LRP1B: variants seen among roughly 807,000 people sequenced by gnomAD.
The protein encoded by LRP1B is LDL receptor related protein 1B.
Under a neutral mutation model 556.6 loss-of-function variants are expected in LRP1B, and 217 were observed. The ratio of observed to expected loss-of-function variants is 0.39; its 90% CI spans 0.35 to 0.44. The LOEUF is 0.44. Among genes scored for constraint, LRP1B ranks in the 20% least tolerant of loss-of-function variants. The probability of loss-of-function intolerance (pLI) is 1.00; values close to 1 mark genes in which losing one functional copy is unlikely to be tolerated. For missense variants in LRP1B, 5,053 were observed against 5,620.8 expected, an observed-to-expected ratio of 0.90 and a Z score of 3.23; for synonymous variants, 2,047 against 1,865.8, an observed-to-expected ratio of 1.10 and a Z score of -2.50.
intron 2 of LRP1B, among the ~76,000 whole-genome samples, chr2:141,639,304 G>GTATATA (rs577532316): frequency 3.1e-4 from 18 of 58,428 alleles, no homozygotes; most frequent in East Asian, 1.3e-3. Context: ...CATCATGTGT[G>GTATATA]TATATATATA....
At chr2:140,550,852 A>T (rs895017074) in intron 43 of LRP1B, among the ~76,000 whole-genome samples, 7 of 152,136 alleles carry the variant, frequency 4.6e-5, no homozygotes, top group African/African-American at 1.7e-4. Context: ...CCGCAAATTC[A>T]GGTGTTGAAG....
intron 7 of LRP1B, among the ~76,000 whole-genome samples, chr2:141,069,591 A>G (rs946583703): frequency 2.0e-5 from 3 of 151,988 alleles, no homozygotes; most frequent in African/African-American, 7.2e-5. Flanking sequence ...CTCTAAGAAA[A>G]GAACCACTTG....
chr2:141,995,367 T>C (rs1383107976), intron 1 of LRP1B, among the ~76,000 whole-genome samples: 2 of 152,176 alleles, frequency 1.3e-5, no homozygotes, highest in East Asian at 3.8e-4. Flanking sequence ...TGAGTCCTTC[T>C]CACTGAATAT....
At chr2:140,421,475 T>C (rs1481553912) in intron 66 of LRP1B, among the ~76,000 whole-genome samples, 1 of 152,154 alleles carries the variant, frequency 6.6e-6, no homozygotes, top group Non-Finnish European at 1.5e-5. Context: ...CCGACTCTAA[T>C]TATGTAATTT....
intron 37 of LRP1B, among the ~76,000 whole-genome samples, chr2:140,711,374 C>G (rs780721150): frequency 6.6e-6 from 1 of 151,970 alleles, no homozygotes; most frequent in Non-Finnish European, 1.5e-5. Context: ...ATTCATAGAG[C>G]TGTGTTGGTC....
At chr2:142,051,132 A>AAGTGT (rs1177317663) in intron 1 of LRP1B, among the ~76,000 whole-genome samples, 1 of 152,106 alleles carries the variant, frequency 6.6e-6, no homozygotes, top group Non-Finnish European at 1.5e-5. Flanking sequence ...CCAGTAAAGT[A>AAGTGT]GAGGAGTGTG....
chr2:140,644,787 C>A (rs975606277), intron 41 of LRP1B, among the ~76,000 whole-genome samples: 2 of 152,092 alleles, frequency 1.3e-5, no homozygotes, highest in African/African-American at 2.4e-5. Context: ...ATGCTCTTTG[C>A]CACAGTGAAA....
At chr2:141,574,166 C>A (rs781034734) in intron 2 of LRP1B, among the ~76,000 whole-genome samples, 3 of 152,220 alleles carry the variant, frequency 2.0e-5, no homozygotes, top group Non-Finnish European at 2.9e-5. Context: ...AGGCCAATAT[C>A]TCTGAAGAAC....
chr2:141,168,540 G>A lies in LRP1B; in HGVS notation c.1013+19881C>T, dbSNP rs1680363119. Among the ~76,000 whole-genome samples, 2 of 151,882 alleles carry A rather than the reference G, an allele frequency of 1.3e-5. 1 individual carries two copies. Among genetic ancestry groups the A allele is most frequent in the South Asian group, 4.2e-4 (2 of 4,816 alleles). Reference sequence around the variant, plus strand: ...ACCACAAACTTAGAGAGAAAATTTTGCAATTCAGTCTGTCAAAAAAGAAAA... The same window carrying A: ...ACCACAAACTTAGAGAGAAAATTTTACAATTCAGTCTGTCAAAAAAGAAAA... On this transcript the variant is annotated intron_variant, in intron 7 of 90. Transcript: ENST00000389484.
chr2:140,966,167 A>G (rs1182550571), intron 18 of LRP1B, among the ~76,000 whole-genome samples: 1 of 152,222 alleles, frequency 6.6e-6, no homozygotes, highest in Non-Finnish European at 1.5e-5. Flanking sequence ...TTACAGTCCC[A>G]CCAACAGTGT....
chr2:140,695,356 C>G (rs748569547), intron 41 of LRP1B, among the ~76,000 whole-genome samples: 3 of 152,008 alleles, frequency 2.0e-5, no homozygotes, highest in Non-Finnish European at 2.9e-5. Flanking sequence ...TTTCTGTGGC[C>G]TCTAAGCTTC....
At chr2:142,056,203 G>GT (rs1246661931) in intron 1 of LRP1B, among the ~76,000 whole-genome samples, 7 of 152,060 alleles carry the variant, frequency 4.6e-5, no homozygotes, top group East Asian at 1.9e-4. Flanking sequence ...AGATTTTGTG[G>GT]TTTTATCTCC....
chr2:142,039,497 C>T (rs1436880155), intron 1 of LRP1B, among the ~76,000 whole-genome samples: 1 of 151,344 alleles, frequency 6.6e-6, no homozygotes, highest in East Asian at 2.0e-4. Context: ...AGAATAGATC[C>T]TAAGAAATGA....
chr2:141,914,696 C>T (rs986479041), intron 1 of LRP1B, among the ~76,000 whole-genome samples: 13 of 152,124 alleles, frequency 8.5e-5, no homozygotes, highest in Non-Finnish European at 1.6e-4. Context: ...AGCAGCATTT[C>T]TATACACCAG....
At chr2:141,864,709 G>C (rs1320164156) in intron 1 of LRP1B, among the ~76,000 whole-genome samples, 2 of 151,962 alleles carry the variant, frequency 1.3e-5, no homozygotes, top group Non-Finnish European at 2.9e-5. Context: ...GTGAAACCCC[G>C]TCTCTACTAA....
intron 7 of LRP1B, among the ~76,000 whole-genome samples, chr2:141,181,621 T>C (rs550354572): frequency 1.3e-5 from 2 of 152,066 alleles, no homozygotes; most frequent in African/African-American, 4.8e-5. Context: ...GTTGACTTTA[T>C]GAATAATATG....
intron 1 of LRP1B, among the ~76,000 whole-genome samples, chr2:141,967,203 T>C (rs1253627375): frequency 6.6e-6 from 1 of 151,944 alleles, no homozygotes; most frequent in Non-Finnish European, 1.5e-5. Context: ...TTACTCAGAA[T>C]AGACTACACA....
At chr2:141,424,272 C>G (rs951815571) in intron 3 of LRP1B, among the ~76,000 whole-genome samples, 1 of 152,108 alleles carries the variant, frequency 6.6e-6, no homozygotes, top group African/African-American at 2.4e-5. Context: ...CGCCACCACG[C>G]CCAGCTAATT....
At chr2:141,941,713 T>C (rs1344688415) in intron 1 of LRP1B, among the ~76,000 whole-genome samples, 3 of 152,158 alleles carry the variant, frequency 2.0e-5, no homozygotes, top group African/African-American at 4.8e-5. Context: ...AAGAGTCCTG[T>C]AGAGCATTTT....
Sources: allele counts gnomAD v4.1 joint callset (sites outside exome capture counted in the v4.1 genomes callset), GRCh38; gene constraint gnomAD v4.1.1; transcripts MANE v1.5; gene names NCBI Gene and HGNC (gene_info 2026-07-23, HGNC 2026-07-21).